The following CCDC12 variants were observed in gnomAD, a reference collection of about 807,000 sequenced individuals.
The protein encoded by CCDC12 is coiled-coil domain-containing protein 12.
A neutral mutation model predicts 25.7 loss-of-function variants in CCDC12; 28 were observed. That is an observed-to-expected ratio of 1.09 (90% CI 0.81 to 1.50). CCDC12 has a LOEUF of 1.50. Ranked by LOEUF, CCDC12 falls within the 40% of genes most tolerant of loss-of-function variation. The pLI, the probability that CCDC12 is intolerant of heterozygous loss-of-function variation, is 0.00. For synonymous variants in CCDC12, 75 were observed against 87.7 expected (o/e 0.86, Z 0.81); for missense variants, 198 against 210.0 (o/e 0.94, Z 0.35).
chr3:46,955,735 C>G (rs1403796169), intron 1 of CCDC12, among the ~76,000 whole-genome samples: 1 of 152,186 alleles, frequency 6.6e-6, no homozygotes, highest in Non-Finnish European at 1.5e-5. Context: ...TTTAGCAAAG[C>G]CCAGAAAGCA....
Position 46,921,887 on chromosome 3 carries a change from A to G in CCDC12, c.*170T>C. On this transcript the variant is annotated 3_prime_UTR_variant, in exon 7 of 7. Coordinates refer to ENST00000683445, the MANE Select transcript of CCDC12 (RefSeq NM_001277074.2). ...GCCTCCATTCAGAATGGCAGGGGCC[A>G]CCCAGCAGACAAGGAGCTGACCTCA... 1.5e-6 allele frequency: 1 copy of G among 670,058 alleles called. No individual in the cohort carries two copies. The highest frequency in any genetic ancestry group is 2.5e-6 in the Non-Finnish European group (1 of 395,288). 41.5% of individuals were successfully genotyped at this position (670,058 alleles called of 1,614,324 possible). A position where few individuals can be genotyped will look rare whatever the true frequency, so the allele number is the denominator to read the frequency against.
upstream of CCDC12, among the ~76,000 whole-genome samples, chr3:46,980,975 G>A (rs2035290097): frequency 6.6e-6 from 1 of 152,206 alleles, no homozygotes; most frequent in Admixed American, 6.5e-5. Context: ...TAAGGAGGCT[G>A]GCCCACTGTC....
At chr3:46,948,462 G>T (rs2033991677) in intron 1 of CCDC12, among the ~76,000 whole-genome samples, 1 of 152,204 alleles carries the variant, frequency 6.6e-6, no homozygotes, top group South Asian at 2.1e-4. Context: ...AGACAGGGAG[G>T]AGCAGAAACA....
chr3:46,981,711 G>T (rs1160907183), upstream of CCDC12, among the ~76,000 whole-genome samples: 2 of 152,178 alleles, frequency 1.3e-5, no homozygotes, highest in Non-Finnish European at 2.9e-5. Context: ...GGTAAAGGGG[G>T]CTTAAACCAG....
intron 2 of CCDC12, among the ~76,000 whole-genome samples, chr3:46,930,398 C>T (rs2033158559): frequency 6.6e-6 from 1 of 152,182 alleles, no homozygotes; most frequent in South Asian, 2.1e-4. Context: ...CCAGGCTGTC[C>T]CCTAGCCAAA....
At chr3:46,980,552 AG>A (rs1327396017), upstream of CCDC12, among the ~76,000 whole-genome samples, 13 of 152,258 alleles carry the variant, frequency 8.5e-5, no homozygotes, top group East Asian at 2.5e-3. Flanking sequence ...TAGGAGCAGA[AG>A]AAAAGGTTTT....
intron 2 of CCDC12, among the ~76,000 whole-genome samples, chr3:46,931,836 G>A (rs1429657796): frequency 2.6e-5 from 4 of 152,228 alleles, no homozygotes; most frequent in African/African-American, 7.2e-5. Flanking sequence ...CAGAGAGACT[G>A]GCAACTTTGA....
chr3:46,965,224 CT>C (rs921022397), intron 1 of CCDC12, among the ~76,000 whole-genome samples: 2 of 152,196 alleles, frequency 1.3e-5, no homozygotes, highest in Non-Finnish European at 2.9e-5. Context: ...TAAAAACCAG[CT>C]TGAATTTCAA....
chr3:46,947,051 A>G (rs1176641571), intron 1 of CCDC12, among the ~76,000 whole-genome samples: 1 of 152,186 alleles, frequency 6.6e-6, no homozygotes, highest in African/African-American at 2.4e-5. Flanking sequence ...ACTCATGGGT[A>G]CAGAAACACT....
intron 1 of CCDC12, among the ~76,000 whole-genome samples, chr3:46,964,140 C>T (rs1162109168): frequency 4.0e-5 from 6 of 149,438 alleles, no homozygotes; most frequent in Non-Finnish European, 5.9e-5. Context: ...CGTCTCTGCC[C>T]GGCCGCCCCG....
chr3:46,928,373 C>T (rs1392473927), intron 2 of CCDC12, among the ~76,000 whole-genome samples: 4 of 152,218 alleles, frequency 2.6e-5, no homozygotes, highest in African/African-American at 2.4e-5. Context: ...GTCCCTCTTT[C>T]CCCTTAAAGC....
intron 1 of CCDC12, among the ~76,000 whole-genome samples, chr3:46,955,242 C>A (rs2034251499): frequency 2.0e-5 from 3 of 152,110 alleles, no homozygotes; most frequent in Admixed American, 2.0e-4. Flanking sequence ...CTCAGCCCAA[C>A]TAACTCCCAA....
chr3:46,962,957 G>A (rs927236153), intron 1 of CCDC12, among the ~76,000 whole-genome samples: 6 of 152,134 alleles, frequency 3.9e-5, no homozygotes, highest in African/African-American at 1.4e-4. Flanking sequence ...AAAATCCAGA[G>A]GAGAATGGAT....
intron 1 of CCDC12, among the ~76,000 whole-genome samples, chr3:46,972,246 A>C (rs1011304265): frequency 6.6e-6 from 1 of 152,216 alleles, no homozygotes; most frequent in Non-Finnish European, 1.5e-5. Context: ...AAGCAGGAGG[A>C]CTGCCTGAGG....
At chr3:46,968,771 A>C (rs2034714270) in intron 1 of CCDC12, among the ~76,000 whole-genome samples, 1 of 152,150 alleles carries the variant, frequency 6.6e-6, no homozygotes, top group South Asian at 2.1e-4. Flanking sequence ...CCTGGGGGTG[A>C]GAGGTGTAGA....
rs145507739 is a variant in CCDC12 at position 46,930,031 on chromosome 3, C to CAAAA, written c.165-4500_165-4497dup. Among the ~76,000 whole-genome samples, 2 of 39,870 alleles carry CAAAA rather than the reference C, an allele frequency of 5.0e-5. 1 individual carries two copies. The highest frequency in any genetic ancestry group is 2.6e-4 in the African/African-American group (2 of 7,618). The allele number at this position is 39,870 out of a possible 152,430, so 26.2% of individuals were successfully genotyped here. ...GGGCGAGAACAGCAAGACCCCATCT[C>CAAAA]AAAAAAAAAAAAAAAAAAAAAAAAA... is the stretch of plus-strand genomic sequence containing the variant. On this transcript the variant is annotated intron_variant, in intron 2 of 6. Transcript: ENST00000683445.
At chr3:46,935,339 T>C (rs954639570) in intron 2 of CCDC12, among the ~76,000 whole-genome samples, 4 of 151,976 alleles carry the variant, frequency 2.6e-5, no homozygotes, top group Non-Finnish European at 5.9e-5. Context: ...GTGCTCCTGG[T>C]TAAGTGCCTC....
intron 3 of CCDC12, 33 bp from the exon 4 acceptor site, chr3:46,923,701 G>A (rs1366392175): frequency 6.8e-7 from 1 of 1,475,598 alleles, no homozygotes; most frequent in East Asian, 2.5e-5. Context: ...GAAGGCCTGT[G>A]GAAAACGCGC....
At chr3:46,981,951 G>C (rs910519855) in exon 1 of CCDC12, 3 of 152,372 alleles carry the variant, frequency 2.0e-5, no homozygotes, top group African/African-American at 7.2e-5. Flanking sequence ...CAGGTATGGA[G>C]CATAGGCTGG....
Sources: allele counts gnomAD v4.1 joint callset (sites outside exome capture counted in the v4.1 genomes callset), GRCh38; gene constraint gnomAD v4.1.1; transcripts MANE v1.5; gene names NCBI Gene and HGNC (gene_info 2026-07-23, HGNC 2026-07-21).